The following DNAJB6 variants were observed in gnomAD, a reference collection of about 807,000 sequenced individuals.
DNAJB6 encodes dnaJ homolog subfamily B member 6.
Under a neutral mutation model 42.7 loss-of-function variants are expected in DNAJB6, and 16 were observed. The ratio of observed to expected loss-of-function variants is 0.37; its 90% CI spans 0.25 to 0.57. The LOEUF (loss-of-function observed/expected upper bound fraction) is 0.57. Ranked by LOEUF, DNAJB6 falls within the 20% of genes least tolerant of loss-of-function variation. DNAJB6 has a pLI of 0.74. For missense variants in DNAJB6, 347 were observed against 416.8 expected, an observed-to-expected ratio of 0.83 and a Z score of 1.46; for synonymous variants, 170 against 163.5, an observed-to-expected ratio of 1.04 and a Z score of -0.30.
chr7:157,384,798 C>G (rs757119102), intron 6 of DNAJB6, 69 bp from the exon 7 acceptor site: 8 of 1,499,656 alleles, frequency 5.3e-6, no homozygotes, highest in Non-Finnish European at 7.3e-6. Context: ...ACTGAACTTT[C>G]AAACTCTTGT....
At chr7:157,380,289 T>C (rs1291844588) in intron 5 of DNAJB6, 1 of 152,164 alleles carries the variant, frequency 6.6e-6, no homozygotes, top group Admixed American at 6.5e-5. Flanking sequence ...AGTAGAAAGT[T>C]TCTAAATAGC....
Position 157,416,498 on chromosome 7 carries a change from G to A in DNAJB6, c.*400G>A, listed in dbSNP as rs560780381. The A allele has an allele frequency of 3.9e-4, 73 of 188,622 alleles. No individual in the cohort carries two copies. The highest frequency in any genetic ancestry group is 1.2e-3 in the African/African-American group (52 of 43,120). 11.7% of individuals were successfully genotyped at this position (188,622 alleles called of 1,614,324 possible). On this transcript the variant is annotated 3_prime_UTR_variant, in exon 10 of 10. Transcript: ENST00000262177. ...ATGAAATGAGGCTTTCTGTGGCGGCGTAGTGTTTGGAATTAGAAGGTAATT... is the reference window on the plus strand; with the variant it reads ...ATGAAATGAGGCTTTCTGTGGCGGCATAGTGTTTGGAATTAGAAGGTAATT...
At chr7:157,364,221 C>A (rs893780754) in intron 3 of DNAJB6, among the ~76,000 whole-genome samples, 5 of 151,792 alleles carry the variant, frequency 3.3e-5, no homozygotes, top group Non-Finnish European at 5.9e-5. Context: ...AAAACAAAAC[C>A]AAACCAATCA....
At chr7:157,366,788 A>G (rs3779590) in intron 4 of DNAJB6, among the ~76,000 whole-genome samples, 3,242 of 152,376 alleles carry the variant, frequency 0.021, 45 homozygotes, top group East Asian at 0.055. Context: ...AACAATTTGT[A>G]ACCATACTGC....
chr7:157,363,201 C>G lies in DNAJB6; in HGVS notation c.106C>G (p.Pro36Ala). Residue 36 changes from proline to alanine, a missense_variant, in exon 3 of 10, where the codon CCT (proline) becomes GCT (alanine). Coordinates refer to ENST00000262177, the MANE Select transcript of DNAJB6 (RefSeq NM_058246.4). ...ACTGAAGTGGCATCCAGATAAAAAT[C>G]CTGAGAATAAAGAAGAAGCAGAGAG... is the stretch of plus-strand genomic sequence containing the variant. Reference protein sequence around the residue: ...LALKWHPDKNPENKEEAERKF... With the variant: ...LALKWHPDKNAENKEEAERKF... 6.2e-7 allele frequency: 1 copy of G among 1,611,296 alleles called. No individual in the cohort carries two copies. Among genetic ancestry groups the G allele is most frequent in the Non-Finnish European group, 8.5e-7 (1 of 1,178,862 alleles).
intron 8 of DNAJB6, among the ~76,000 whole-genome samples, chr7:157,408,455 G>T (rs981389950): frequency 2.6e-5 from 4 of 152,186 alleles, no homozygotes; most frequent in Admixed American, 1.3e-4. Flanking sequence ...CTCCCCTCTG[G>T]GGACACACAG....
At chr7:157,392,145 G>A (rs1213401305) in intron 8 of DNAJB6, among the ~76,000 whole-genome samples, 2 of 150,568 alleles carry the variant, frequency 1.3e-5, no homozygotes, top group Non-Finnish European at 2.9e-5. Flanking sequence ...TTCTTAGAAG[G>A]AGTCTTCTCC....
At chr7:157,386,365 G>A in intron 8 of DNAJB6, 1 of 968,930 alleles carries the variant, frequency 1.0e-6, no homozygotes, top group Non-Finnish European at 1.2e-6. Context: ...TGGGCTTCTA[G>A]TGTCACTTTA....
chr7:157,358,973 A>G lies in DNAJB6; in HGVS notation c.65+336A>G, dbSNP rs6955572. On this transcript the variant is annotated intron_variant, in intron 2 of 9. Transcript: ENST00000262177. Reference sequence around the variant, plus strand: ...TTTGGAAGGCAGGGGCCCAGAGTACATAGCACTCAAATTTTCTTGTTGTGA... The same window carrying G: ...TTTGGAAGGCAGGGGCCCAGAGTACGTAGCACTCAAATTTTCTTGTTGTGA... Among the ~76,000 whole-genome samples the G allele has an allele frequency of 5.4e-3, 815 of 152,316 alleles. 12 individuals are homozygous for G. The highest frequency in any genetic ancestry group is 0.018 in the African/African-American group (753 of 41,558).
intron 1 of DNAJB6, chr7:157,337,955 C>G (rs1204330969): frequency 6.6e-6 from 1 of 152,110 alleles, no homozygotes; most frequent in African/African-American, 2.4e-5. Context: ...CAGGAAACAG[C>G]GCAAGTAGAA....
intron 1 of DNAJB6, among the ~76,000 whole-genome samples, chr7:157,343,162 ATTTT>A (rs35208783): frequency 1.4e-5 from 2 of 145,556 alleles, no homozygotes; most frequent in East Asian, 2.0e-4. Context: ...CACCCAGGTA[ATTTT>A]TTTTTTTTTT....
At chr7:157,354,210 C>A (rs879496380) in intron 1 of DNAJB6, among the ~76,000 whole-genome samples, 3 of 152,004 alleles carry the variant, frequency 2.0e-5, no homozygotes, top group Admixed American at 1.3e-4. Context: ...TGCAATGGTG[C>A]GATCTCGGCT....
intron 8 of DNAJB6, among the ~76,000 whole-genome samples, chr7:157,400,679 C>G (rs1438924364): frequency 6.6e-6 from 1 of 152,202 alleles, no homozygotes; most frequent in Admixed American, 6.5e-5. Context: ...TGGCACGTGT[C>G]AGCTGTGGGT....
At chr7:157,393,824 G>C (rs1801463257) in intron 8 of DNAJB6, among the ~76,000 whole-genome samples, 1 of 151,874 alleles carries the variant, frequency 6.6e-6, no homozygotes, top group Admixed American at 6.6e-5. Flanking sequence ...CACAGTTACT[G>C]TTTTGTGTTG....
At chr7:157,338,808 G>A (rs973769490) in intron 1 of DNAJB6, among the ~76,000 whole-genome samples, 4 of 152,218 alleles carry the variant, frequency 2.6e-5, no homozygotes, top group East Asian at 3.8e-4. Context: ...GTTGCCTTAA[G>A]TTGGTAGATG....
intron 4 of DNAJB6, 79 bp downstream of exon 4, chr7:157,366,640 C>G: frequency 7.3e-7 from 1 of 1,363,280 alleles, no homozygotes; most frequent in South Asian, 1.2e-5. Flanking sequence ...GTCTCTTGGT[C>G]AGAGTCGATT....
In DNAJB6 at chr7:157,364,877, A is replaced by G. The variant is rs77309075; in HGVS notation, c.175+1607A>G. Among the ~76,000 whole-genome samples the G allele has an allele frequency of 1.3e-3, 204 of 152,300 alleles. 1 individual carries two copies. The highest frequency in any genetic ancestry group is 4.6e-3 in the African/African-American group (192 of 41,572). ...ACATGGTCATTGTTCTTGCCATGGC[A>G]CTGGCTACCTGAAACTGCTTGCAAG... is the stretch of plus-strand genomic sequence containing the variant. On this transcript the variant is annotated intron_variant, in intron 3 of 9. Transcript: ENST00000262177.
chr7:157,414,009 A>C (rs1369710026), intron 9 of DNAJB6: 2 of 152,128 alleles, frequency 1.3e-5, no homozygotes, highest in Non-Finnish European at 2.9e-5. Context: ...GGCGGGAGCC[A>C]CCGCGCCCGG....
intron 8 of DNAJB6, among the ~76,000 whole-genome samples, chr7:157,408,209 C>T (rs73176498): frequency 0.029 from 4,346 of 152,220 alleles, 83 homozygotes; most frequent in Non-Finnish European, 0.043. Flanking sequence ...CCTGGCAGGA[C>T]GCGCGGGCCG....
Sources: gnomAD v4.1 joint callset for allele counts (sites outside exome capture counted in the v4.1 genomes callset) on GRCh38, gnomAD v4.1.1 for gene constraint, MANE v1.5 for transcripts, NCBI Gene and HGNC (gene_info 2026-07-23, HGNC 2026-07-21) for gene names.